The following NOL4L variants were observed in gnomAD, a reference collection of about 807,000 sequenced individuals.
NOL4L encodes the protein nucleolar protein 4-like.
NOL4L carries 7 observed loss-of-function variants against 64.5 expected under a neutral mutation model. The ratio of observed to expected loss-of-function variants is 0.11; its 90% CI spans 0.06 to 0.20. The LOEUF is 0.20. Among genes scored for constraint, NOL4L ranks in the 10% least tolerant of loss-of-function variants. The probability of loss-of-function intolerance (pLI) is 1.00; values close to 1 mark genes in which losing one functional copy is unlikely to be tolerated. For missense variants in NOL4L, 680 were observed against 967.1 expected, an observed-to-expected ratio of 0.70 and a Z score of 3.94; for synonymous variants, 413 against 401.0, an observed-to-expected ratio of 1.03 and a Z score of -0.36.
chr20:32,456,294 C>T lies in NOL4L; in HGVS notation c.943G>A (p.Gly315Ser). Residue 315 changes from glycine (G) to serine (S), a missense_variant, in exon 6 of 11, where the codon GGC becomes AGC. By Grantham distance (56) the Gly-to-Ser change is moderately conservative. This residue lies in a region of NOL4L where 254 missense variants were observed against 238.7 expected (regional missense o/e 1.06). Coordinates refer to ENST00000621426, the MANE Select transcript of NOL4L (RefSeq NM_001256798.2). ...QGDPAFPEMN[G>S]NGAVAPMDFT... Reference sequence around the variant, plus strand: ...TCCATGGGGGCCACGGCGCCGTTGCCATTCATCTCGGGGAAGGCAGGGTCG... The same window carrying T: ...TCCATGGGGGCCACGGCGCCGTTGCTATTCATCTCGGGGAAGGCAGGGTCG... 6.3e-7 allele frequency: 1 copy of T among 1,583,708 alleles called. No homozygotes were observed. Among genetic ancestry groups the T allele is most frequent in the Non-Finnish European group, 8.6e-7 (1 of 1,162,400 alleles).
chr20:32,484,521 G>A (rs1044155617), intron 4 of NOL4L, among the ~76,000 whole-genome samples: 18 of 150,218 alleles, frequency 1.2e-4, no homozygotes, highest in Non-Finnish European at 1.8e-4. Context: ...CCGAGTGTCC[G>A]GGAGGCGCTC....
intron 5 of NOL4L, among the ~76,000 whole-genome samples, chr20:32,471,398 C>T (rs950766422): frequency 1.3e-5 from 2 of 151,520 alleles, no homozygotes; most frequent in Non-Finnish European, 2.9e-5. Flanking sequence ...CCGGTAGAAG[C>T]TCAGAGGCAA....
intron 1 of NOL4L, chr20:32,535,672 G>A (rs898477168): frequency 3.0e-6 from 3 of 985,346 alleles, no homozygotes; most frequent in Non-Finnish European, 3.6e-6. Context: ...CGCTACATTT[G>A]AGGATGTCAT....
rs138976625 is a variant in NOL4L, at chr20:32,575,481, T to A, written c.321+9089A>T. Among the ~76,000 whole-genome samples, 33 of 152,336 alleles carry A rather than the reference T, an allele frequency of 2.2e-4. 1 individual carries two copies. In the East Asian group the frequency reaches 5.8e-3, roughly 27 times the overall value. ...TCAAGGTCCAGGTGAAATGTCACTT[T>A]CCCAAGGACTTCTCAGGCCCTGTCC... On this transcript the variant is annotated intron_variant, in intron 1 of 10. Transcript: ENST00000621426.
At chr20:32,505,946 A>G (rs2017124451) in intron 4 of NOL4L, among the ~76,000 whole-genome samples, 1 of 152,168 alleles carries the variant, frequency 6.6e-6, no homozygotes, top group African/African-American at 2.4e-5. Context: ...TGATGAAAAA[A>G]TTTTGGAAAT....
chr20:32,557,100 AAAC>A (rs1978703218), intron 1 of NOL4L, among the ~76,000 whole-genome samples: 1 of 152,192 alleles, frequency 6.6e-6, no homozygotes, highest in Non-Finnish European at 1.5e-5. Flanking sequence ...GTGTGGGTTG[AAAC>A]AACGTTTGTG....
At chr20:32,461,713 C>T (rs532800944) in intron 5 of NOL4L, among the ~76,000 whole-genome samples, 4 of 151,216 alleles carry the variant, frequency 2.6e-5, no homozygotes, top group South Asian at 4.2e-4. Context: ...TGAGCCACTG[C>T]GCCCAGCCCC....
Position 32,447,562 on chromosome 20 carries a change from T to C in NOL4L, c.*34A>G. On this transcript the variant is annotated 3_prime_UTR_variant, in exon 11 of 11. Transcript: ENST00000621426. The stretch of plus-strand genomic sequence containing the variant: ...CAGGTCCAGGCTGGGACAGCCTCCT[T>C]CCCTAGGGCAGTGCGCTCCAGGTGC... The C allele has an allele frequency of 1.3e-6, 2 of 1,555,124 alleles. No individual in the cohort carries two copies. The highest frequency in any genetic ancestry group is 1.7e-6 in the Non-Finnish European group (2 of 1,156,220).
At position 32,456,217 on chromosome 20, in the gene NOL4L, C is replaced by T. The variant is rs1390237490; in HGVS notation, c.1020G>A (p.Pro340=). Residue 340 remains proline, a synonymous_variant, in exon 6 of 11, where the codon CCG becomes CCA. Transcript: ENST00000621426. ...AGGCTGTGCCAAGTGCCGTGGCCGG[C>T]GGGAGCTTGTCACACAGGTTGATGG... ...DQPINLCDKL[P]PATALGTASY... is the part of the protein sequence containing the mutation. 12 of 1,608,774 alleles carry T rather than the reference C, an allele frequency of 7.5e-6. No individual in the cohort carries two copies. Among genetic ancestry groups the T allele is most frequent in the South Asian group, 3.3e-5 (3 of 90,126 alleles).
chr20:32,458,963 G>A (rs139931829), intron 5 of NOL4L, among the ~76,000 whole-genome samples: 12 of 152,330 alleles, frequency 7.9e-5, no homozygotes, highest in East Asian at 1.9e-4. Flanking sequence ...TGCCCGGCAC[G>A]GGGGCCCAGA....
chr20:32,535,658 A>G (rs2145590439), intron 1 of NOL4L: 1 of 985,034 alleles, frequency 1.0e-6, no homozygotes, highest in Admixed American at 6.2e-5. Flanking sequence ...CCCTCAAACA[A>G]CGGCGCTACA....
chr20:32,537,886 C>T, intron 1 of NOL4L, among the ~76,000 whole-genome samples: 1 of 151,876 alleles, frequency 6.6e-6, no homozygotes, highest in Non-Finnish European at 1.5e-5. Context: ...TCAAGCGATT[C>T]TCCTGCTACA....
intron 1 of NOL4L, among the ~76,000 whole-genome samples, chr20:32,574,295 G>A (rs1489279291): frequency 6.6e-6 from 1 of 152,138 alleles, no homozygotes; most frequent in African/African-American, 2.4e-5. Context: ...CATTTCACAT[G>A]GATTCTTGCC....
chr20:32,488,852 T>C (rs1297718642), intron 4 of NOL4L, among the ~76,000 whole-genome samples: 3 of 99,836 alleles, frequency 3.0e-5, no homozygotes, highest in Middle Eastern at 3.9e-3. Flanking sequence ...TCTTTCTTTC[T>C]TTCTTTCTTT....
chr20:32,564,665 T>G (rs1049841798), intron 1 of NOL4L, among the ~76,000 whole-genome samples: 5 of 152,208 alleles, frequency 3.3e-5, no homozygotes, highest in African/African-American at 1.2e-4. Flanking sequence ...TGTGCCTCAG[T>G]TTCTTCATCT....
At chr20:32,537,737 G>C (rs1257008453) in intron 1 of NOL4L, among the ~76,000 whole-genome samples, 6 of 151,496 alleles carry the variant, frequency 4.0e-5, no homozygotes, top group African/African-American at 9.7e-5. Context: ...CTGAGAAATC[G>C]AAGAAGTTTC....
At position 32,548,310 on chromosome 20, in the gene NOL4L, G is replaced by A. The variant is rs117095582; in HGVS notation, c.322-20397C>T. 2.8e-3 allele frequency among the ~76,000 whole-genome samples: 432 copies of A among 152,296 alleles called. 5 individuals carry two copies. The East Asian group carries it at 0.032, about 11-fold the overall frequency. On this transcript the variant is annotated intron_variant, in intron 1 of 10. Transcript: ENST00000621426. ...ATTCAAGATTCCCTAGTAACTGACT[G>A]CCTTGGGCTTCCACACTTAATTGCC...
At chr20:32,582,165 G>A (rs889340810) in intron 1 of NOL4L, 1 of 152,252 alleles carries the variant, frequency 6.6e-6, no homozygotes, top group African/African-American at 2.4e-5. Context: ...CAGGCAGGCG[G>A]GCGTGGGGAG....
At chr20:32,549,945 A>G (rs1056107032) in intron 1 of NOL4L, among the ~76,000 whole-genome samples, 1 of 152,244 alleles carries the variant, frequency 6.6e-6, no homozygotes, top group Non-Finnish European at 1.5e-5. Context: ...AGGTGAACAC[A>G]AAAACTTGTA....
Sources: gnomAD v4.1 joint callset for allele counts (sites outside exome capture counted in the v4.1 genomes callset) on GRCh38, gnomAD v4.1.1 for gene constraint, gnomAD v4.1.1 regional missense constraint, MANE v1.5 for transcripts, NCBI Gene and HGNC (gene_info 2026-07-23, HGNC 2026-07-21) for gene names.